RALGPS2: variants seen among roughly 807,000 people sequenced by gnomAD.
RALGPS2 encodes Ral GEF with PH domain and SH3 binding motif 2.
RALGPS2 carries 43 observed loss-of-function variants against 86.8 expected under a neutral mutation model. The ratio of observed to expected loss-of-function variants is 0.50; its 90% CI spans 0.39 to 0.64. The LOEUF (loss-of-function observed/expected upper bound fraction) is 0.64. Ranked by LOEUF, RALGPS2 falls within the 30% of genes least tolerant of loss-of-function variation. The pLI, the probability that RALGPS2 is intolerant of heterozygous loss-of-function variation, is 0.00. For missense variants in RALGPS2, 536 were observed against 694.6 expected (o/e 0.77, Z 2.57); for synonymous variants, 243 against 231.3 (o/e 1.05, Z -0.46).
chr1:178,788,757 C>T (rs562025642), intron 4 of RALGPS2, among the ~76,000 whole-genome samples: 17 of 152,078 alleles, frequency 1.1e-4, no homozygotes, highest in African/African-American at 3.6e-4. Context: ...ACATTTTCCG[C>T]GTTAGGTTTT....
intron 8 of RALGPS2, among the ~76,000 whole-genome samples, chr1:178,835,063 C>G (rs572724344): frequency 4.0e-4 from 61 of 152,262 alleles, no homozygotes; most frequent in African/African-American, 1.4e-3. Context: ...TAGGCATGAG[C>G]CATCACACCC....
rs537163873 is a variant in RALGPS2 at position 178,911,865 on chromosome 1, C to T, written c.1723-4465C>T. Among the ~76,000 whole-genome samples the T allele has an allele frequency of 5.9e-5, 9 of 152,222 alleles. No individual in the cohort carries two copies. In the South Asian group the frequency reaches 8.3e-4, roughly 14 times the overall value. Reference sequence around the variant, plus strand: ...AAGTCTCTTTGTAGGTCTCTAAGAACTTGTTTTCCTAATCTAGATGCTCCA... The same window carrying T: ...AAGTCTCTTTGTAGGTCTCTAAGAATTTGTTTTCCTAATCTAGATGCTCCA... On this transcript the variant is annotated intron_variant, in intron 19 of 19. Coordinates refer to ENST00000367635, the MANE Select transcript of RALGPS2 (RefSeq NM_152663.5).
chr1:178,840,430 A>G (rs1656536798), intron 8 of RALGPS2, among the ~76,000 whole-genome samples: 1 of 152,234 alleles, frequency 6.6e-6, no homozygotes, highest in South Asian at 2.1e-4. Context: ...GAAGGCAGAA[A>G]TAAAGCTGTT....
At chr1:178,854,017 T>C (rs1270296768) in intron 8 of RALGPS2, among the ~76,000 whole-genome samples, 4 of 152,106 alleles carry the variant, frequency 2.6e-5, no homozygotes, top group Non-Finnish European at 5.9e-5. Context: ...GTATTTTTTA[T>C]ATTGTTATAA....
intron 8 of RALGPS2, among the ~76,000 whole-genome samples, chr1:178,839,751 G>C (rs1398560894): frequency 6.6e-6 from 1 of 152,164 alleles, no homozygotes; most frequent in Non-Finnish European, 1.5e-5. Context: ...TCAGTGTGCT[G>C]TATTCAGGAG....
At chr1:178,889,760 C>A (rs775077155) in intron 14 of RALGPS2, 64 bp downstream of exon 14, 92 of 1,181,512 alleles carry the variant, frequency 7.8e-5, no homozygotes, top group Non-Finnish European at 1.1e-4. Flanking sequence ...TAATATAATA[C>A]AAATTTTCAG....
Position 178,902,121 on chromosome 1 carries a change from A to T in RALGPS2, c.1540A>T (p.Asn514Tyr). ...TTTCTCTCAGTTCAAATCAACATCC[A>T]ATAAGAACGTATCTGTGATAGGATG... Reference protein sequence around the residue: ...TERKHFKSTSNKNVSVIGWMV... With the variant: ...TERKHFKSTSYKNVSVIGWMV... The change falls in exon 18 of 20, where the codon AAT (asparagine) becomes TAT (tyrosine). Residue 514 changes from asparagine (N) to tyrosine (Y), a missense_variant. Physicochemically the swap from Asn to Tyr is moderately radical, Grantham distance 143. This residue lies in a region of RALGPS2 where 309 missense variants were observed against 363.0 expected (regional missense o/e 0.85). Coordinates refer to ENST00000367635, the MANE Select transcript of RALGPS2 (RefSeq NM_152663.5). 6.2e-7 allele frequency: 1 copy of T among 1,612,088 alleles called. No homozygotes were observed. The highest frequency in any genetic ancestry group is 8.5e-7 in the Non-Finnish European group (1 of 1,178,492).
intron 10 of RALGPS2, among the ~76,000 whole-genome samples, 146 bp from the exon 11 acceptor site, chr1:178,883,312 TAAAAAGAA>T (rs958587083): frequency 5.9e-5 from 9 of 151,448 alleles, no homozygotes; most frequent in African/African-American, 2.2e-4. Context: ...CCCTGTCTCT[TAAAAAGAA>T]GAAGATTGCT....
chr1:178,727,466 A>T (rs1650089241), intron 1 of RALGPS2, among the ~76,000 whole-genome samples: 1 of 152,214 alleles, frequency 6.6e-6, no homozygotes, highest in African/African-American at 2.4e-5. Flanking sequence ...ATTGCAACGT[A>T]AGTTTGAAGA....
At chr1:178,867,189 G>A (rs759257829) in intron 8 of RALGPS2, among the ~76,000 whole-genome samples, 1 of 152,036 alleles carries the variant, frequency 6.6e-6, no homozygotes, top group African/African-American at 2.4e-5. Context: ...TTTATTGAGT[G>A]CTTGTTCAGT....
intron 8 of RALGPS2, among the ~76,000 whole-genome samples, chr1:178,870,311 A>G (rs557525285): frequency 2.0e-5 from 3 of 152,298 alleles, no homozygotes; most frequent in African/African-American, 4.8e-5. Flanking sequence ...CAGTTTATGT[A>G]TATCTTCAGC....
chr1:178,792,484 A>T (rs1364441904), intron 4 of RALGPS2, among the ~76,000 whole-genome samples: 3 of 152,256 alleles, frequency 2.0e-5, no homozygotes, highest in Middle Eastern at 3.4e-3. Context: ...ATGCTATTAC[A>T]CGGCTGCAGC....
chr1:178,768,990 G>T (rs1652650995), intron 1 of RALGPS2, among the ~76,000 whole-genome samples: 1 of 152,224 alleles, frequency 6.6e-6, no homozygotes, highest in South Asian at 2.1e-4. Context: ...GGCTCAGGCT[G>T]CTGTTCCAGA....
chr1:178,776,186 T>C (rs952069302), intron 1 of RALGPS2, among the ~76,000 whole-genome samples: 4 of 152,206 alleles, frequency 2.6e-5, no homozygotes, highest in Admixed American at 2.6e-4. Flanking sequence ...CCATGGATAC[T>C]GAGAGATGAT....
At chr1:178,805,149 T>C (rs1285752293) in intron 4 of RALGPS2, among the ~76,000 whole-genome samples, 2 of 151,036 alleles carry the variant, frequency 1.3e-5, no homozygotes, top group African/African-American at 4.9e-5. Flanking sequence ...TGTAAATTTG[T>C]TTGAGTTCAT....
At chr1:178,902,807 C>A (rs1352391495) in intron 18 of RALGPS2, among the ~76,000 whole-genome samples, 1 of 152,008 alleles carries the variant, frequency 6.6e-6, no homozygotes, top group Non-Finnish European at 1.5e-5. Flanking sequence ...AAAATTATTT[C>A]TTTTAATCCA....
At chr1:178,851,679 T>C (rs77510120) in intron 8 of RALGPS2, among the ~76,000 whole-genome samples, 7,968 of 152,150 alleles carry the variant, frequency 0.052, 726 homozygotes, top group African/African-American at 0.18. Context: ...AATTGAATTG[T>C]CAAAATAAAA....
At chr1:178,885,523 A>T in intron 12 of RALGPS2, 1 of 222,746 alleles carries the variant, frequency 4.5e-6, no homozygotes, top group Non-Finnish European at 8.6e-6. Context: ...TTATATCAAG[A>T]CAGTCATTGT....
intron 1 of RALGPS2, among the ~76,000 whole-genome samples, chr1:178,764,307 A>C (rs1261553647): frequency 6.6e-6 from 1 of 151,508 alleles, no homozygotes; most frequent in African/African-American, 2.4e-5. Flanking sequence ...TCTATTTTCC[A>C]TTTGCTTGGT....
Sources: allele counts gnomAD v4.1 joint callset (sites outside exome capture counted in the v4.1 genomes callset), GRCh38; gene constraint gnomAD v4.1.1; regional missense constraint gnomAD v4.1.1; transcripts MANE v1.5; gene names NCBI Gene and HGNC (gene_info 2026-07-23, HGNC 2026-07-21).